Variants in ATG5 observed in about 807,000 individuals in gnomAD.
ATG5 encodes autophagy protein 5.
Under a neutral mutation model 36.5 loss-of-function variants are expected in ATG5, and 14 were observed. The ratio of observed to expected loss-of-function variants is 0.38; its 90% CI spans 0.25 to 0.60. ATG5 has a LOEUF of 0.60. Ranked by LOEUF, ATG5 falls within the 20% of genes least tolerant of loss-of-function variation. The probability of loss-of-function intolerance (pLI) is 0.60; values close to 1 mark genes in which losing one functional copy is unlikely to be tolerated. For synonymous variants in ATG5, 95 were observed against 101.5 expected (o/e 0.94, Z 0.38); for missense variants, 195 against 326.7 (o/e 0.60, Z 3.11).
intron 5 of ATG5, among the ~76,000 whole-genome samples, chr6:106,251,396 A>G (rs1778569359): frequency 6.6e-6 from 1 of 151,848 alleles, no homozygotes; most frequent in South Asian, 2.1e-4. Flanking sequence ...GCCCTAAGGT[A>G]AAATATATAG....
At chr6:106,313,446 C>T (rs1770726483) in intron 2 of ATG5, among the ~76,000 whole-genome samples, 1 of 152,106 alleles carries the variant, frequency 6.6e-6, no homozygotes, top group Non-Finnish European at 1.5e-5. Context: ...GACCATGGGT[C>T]CAATCATGAT....
intron 5 of ATG5, among the ~76,000 whole-genome samples, chr6:106,275,437 A>C (rs1346550518): frequency 6.6e-6 from 1 of 152,214 alleles, no homozygotes. Context: ...ATGTTAGCTC[A>C]ATTACAGTAG....
At chr6:106,324,638 C>T (rs1434407053) in intron 1 of ATG5, among the ~76,000 whole-genome samples, 3 of 152,132 alleles carry the variant, frequency 2.0e-5, no homozygotes, top group African/African-American at 7.2e-5. Context: ...GAGGTGTGTG[C>T]ACTATTCTAA....
At chr6:106,231,402 AAG>A (rs1235938413) in intron 6 of ATG5, among the ~76,000 whole-genome samples, 2 of 152,164 alleles carry the variant, frequency 1.3e-5, no homozygotes, top group Non-Finnish European at 2.9e-5. Flanking sequence ...CAACAGAGGA[AAG>A]AGAACGATTC....
intron 1 of ATG5, among the ~76,000 whole-genome samples, chr6:106,318,102 T>C (rs964967934): frequency 1.3e-5 from 2 of 152,226 alleles, no homozygotes; most frequent in Non-Finnish European, 2.9e-5. Flanking sequence ...ACTATTGATA[T>C]TATTTTTCTT....
intron 7 of ATG5, among the ~76,000 whole-genome samples, chr6:106,195,266 A>G (rs541222585): frequency 6.6e-6 from 1 of 152,326 alleles, no homozygotes; most frequent in South Asian, 2.1e-4. Context: ...GGTGCCACAT[A>G]ACTTTTATGA....
chr6:106,321,515 C>T (rs1254541375), intron 1 of ATG5, among the ~76,000 whole-genome samples: 6 of 152,224 alleles, frequency 3.9e-5, no homozygotes, highest in South Asian at 4.1e-4. Context: ...CCCGCCACCG[C>T]GCCAAGCTAA....
chr6:106,318,596 C>T (rs536448342), intron 1 of ATG5, among the ~76,000 whole-genome samples: 1 of 152,184 alleles, frequency 6.6e-6, no homozygotes, highest in South Asian at 2.1e-4. Flanking sequence ...TCCCATATAC[C>T]ATTGTTGCTT....
intron 5 of ATG5, chr6:106,271,512 T>C (rs1779451711): frequency 6.6e-6 from 1 of 152,216 alleles, no homozygotes; most frequent in South Asian, 2.1e-4. Context: ...CCTCTTGGAC[T>C]CTCTAGCCGC....
chr6:106,274,670 A>G (rs1301423204), intron 5 of ATG5, among the ~76,000 whole-genome samples: 1 of 152,168 alleles, frequency 6.6e-6, no homozygotes, highest in Non-Finnish European at 1.5e-5. Context: ...TTCAAACAAG[A>G]CACTTCCTTT....
intron 6 of ATG5, among the ~76,000 whole-genome samples, chr6:106,235,614 G>C (rs531405741): frequency 1.3e-5 from 2 of 152,266 alleles, no homozygotes; most frequent in South Asian, 2.1e-4. Flanking sequence ...AGGTAGTAAA[G>C]AGAGCTCACT....
At chr6:106,261,510 T>C (rs1002559716) in intron 5 of ATG5, among the ~76,000 whole-genome samples, 3 of 152,262 alleles carry the variant, frequency 2.0e-5, no homozygotes, top group Admixed American at 2.0e-4. Flanking sequence ...TAGCCCACAC[T>C]GTGAACTTTG....
At position 106,307,534 on chromosome 6, in the gene ATG5, CCT is replaced by C. The variant is rs1491225366; in HGVS notation, c.236+828_236+829del. ...CAGGTTTAGGATTTGATTTCAATAC[CCT>C]TTTTTTTTTTTTTTTTTTTTGAGAC... On this transcript the variant is annotated intron_variant, in intron 3 of 7. Transcript: ENST00000369076. 2.7e-4 allele frequency among the ~76,000 whole-genome samples: 38 copies of C among 139,084 alleles called. 1 individual carries two copies. The highest frequency in any genetic ancestry group is 7.4e-4 in the Admixed American group (10 of 13,452). The allele number at this position is 139,084 out of a possible 152,430, so 91.2% of individuals were successfully genotyped here. A position where few individuals can be genotyped will look rare whatever the true frequency, so the allele number is the denominator to read the frequency against.
At chr6:106,213,241 T>G (rs1232866423) in intron 6 of ATG5, among the ~76,000 whole-genome samples, 2 of 152,168 alleles carry the variant, frequency 1.3e-5, no homozygotes, top group Non-Finnish European at 2.9e-5. Context: ...TGCAAACAAC[T>G]GTAATACAGT....
intron 6 of ATG5, among the ~76,000 whole-genome samples, chr6:106,247,288 G>GT (rs1778378934): frequency 6.6e-6 from 1 of 151,736 alleles, no homozygotes; most frequent in African/African-American, 2.4e-5. Context: ...CTCATTAATA[G>GT]TATGTAACTT....
intron 4 of ATG5, among the ~76,000 whole-genome samples, chr6:106,285,399 T>A (rs1196161389): frequency 1.3e-5 from 2 of 152,244 alleles, no homozygotes; most frequent in African/African-American, 2.4e-5. Context: ...CTTGCTTATT[T>A]GCAAGTCAAG....
At chr6:106,321,453 G>T (rs1279521927) in intron 1 of ATG5, among the ~76,000 whole-genome samples, 5 of 151,992 alleles carry the variant, frequency 3.3e-5, no homozygotes, top group African/African-American at 1.2e-4. Flanking sequence ...CCGTCTCCCG[G>T]GTTCACGCCA....
At chr6:106,249,204 A>C (rs1390557395) in intron 5 of ATG5, among the ~76,000 whole-genome samples, 2 of 152,194 alleles carry the variant, frequency 1.3e-5, no homozygotes, top group Admixed American at 1.3e-4. Flanking sequence ...TTCAGAGTTC[A>C]GAACATTTTC....
At chr6:106,250,587 T>C (rs1778535675) in intron 5 of ATG5, among the ~76,000 whole-genome samples, 1 of 152,242 alleles carries the variant, frequency 6.6e-6, no homozygotes, top group Non-Finnish European at 1.5e-5. Flanking sequence ...GCAATTATTC[T>C]GTCAATGCTT....
Sources: gnomAD v4.1 joint callset for allele counts (sites outside exome capture counted in the v4.1 genomes callset) on GRCh38, gnomAD v4.1.1 for gene constraint, MANE v1.5 for transcripts, NCBI Gene and HGNC (gene_info 2026-07-23, HGNC 2026-07-21) for gene names.